Variants in CNTN5 observed in about 807,000 individuals in gnomAD.
CNTN5 encodes the protein contactin 5.
A neutral mutation model predicts 129.1 loss-of-function variants in CNTN5; 77 were observed. The ratio of observed to expected loss-of-function variants is 0.60; its 90% confidence interval spans 0.50 to 0.72. The LOEUF (loss-of-function observed/expected upper bound fraction) is 0.72, where lower values mean the gene tolerates loss of function less well. Among genes scored for constraint, CNTN5 ranks in the 30% least tolerant of loss-of-function variants. CNTN5 has a pLI of 0.00. For synonymous variants in CNTN5, 509 were observed against 465.6 expected, an observed-to-expected ratio of 1.09 and a Z score of -1.20; for missense variants, 1,478 against 1,328.8, an observed-to-expected ratio of 1.11 and a Z score of -1.75.
At chr11:99,127,304 A>C (rs1313452197) in intron 1 of CNTN5, among the ~76,000 whole-genome samples, 4 of 152,158 alleles carry the variant, frequency 2.6e-5, no homozygotes, top group African/African-American at 9.7e-5. Context: ...CAATGTCATA[A>C]ATGTTCATCT....
intron 2 of CNTN5, among the ~76,000 whole-genome samples, chr11:99,502,260 G>A (rs973913551): frequency 4.6e-5 from 7 of 152,126 alleles, no homozygotes; most frequent in South Asian, 2.1e-4. Context: ...TATTTAGAAC[G>A]ATGCTTTTTC....
At chr11:99,926,567 A>G (rs1187837357) in intron 7 of CNTN5, among the ~76,000 whole-genome samples, 1 of 152,156 alleles carries the variant, frequency 6.6e-6, no homozygotes, top group East Asian at 1.9e-4. Flanking sequence ...TGTAATTACA[A>G]CAAGTACAAG....
chr11:99,899,068 T>G (rs1439194379), intron 6 of CNTN5, among the ~76,000 whole-genome samples: 1 of 152,048 alleles, frequency 6.6e-6, no homozygotes. Context: ...TTTTGTATGT[T>G]GATTTTTGTA....
At chr11:99,228,669 T>A (rs928454825) in intron 1 of CNTN5, among the ~76,000 whole-genome samples, 16 of 152,060 alleles carry the variant, frequency 1.1e-4, no homozygotes, top group African/African-American at 3.9e-4. Context: ...CTTTACTAAT[T>A]TTAAATATTA....
Position 100,224,698 on chromosome 11 carries a change from T to G in CNTN5, c.1891T>G (p.Ser631Ala), listed in dbSNP as rs201582801. 1.9e-6 allele frequency: 3 copies of G among 1,610,888 alleles called. No homozygotes were observed. Among genetic ancestry groups the G allele is most frequent in the Non-Finnish European group, 2.5e-6 (3 of 1,177,710 alleles). ...GHFESIRAQASSADLMIRNIL... is the reference protein window; with the variant it reads ...GHFESIRAQAASADLMIRNIL... ...CACTTCATCCCTCTTTCAGCAAGCATCCTCTGCAGATTTAATGATCAGGAA... is the reference window on the plus strand; with the variant it reads ...CACTTCATCCCTCTTTCAGCAAGCAGCCTCTGCAGATTTAATGATCAGGAA... The change falls in exon 16 of 25, where the codon TCC becomes GCC. Residue 631 changes from serine to alanine, a missense_variant. Ser to Ala is a moderately conservative substitution (Grantham distance 99). Coordinates refer to ENST00000524871, the MANE Select transcript of CNTN5 (RefSeq NM_014361.4).
At chr11:100,044,457 A>G (rs551366850) in intron 9 of CNTN5, among the ~76,000 whole-genome samples, 2 of 151,630 alleles carry the variant, frequency 1.3e-5, no homozygotes, top group Admixed American at 6.6e-5. Context: ...CCAACTGTGT[A>G]TAAGCATTCC....
intron 1 of CNTN5, among the ~76,000 whole-genome samples, chr11:99,311,012 A>T (rs922085111): frequency 2.6e-5 from 4 of 152,044 alleles, no homozygotes; most frequent in African/African-American, 7.3e-5. Context: ...GCTCACTGCA[A>T]CCTCTGCCTC....
chr11:100,258,429 T>C (rs147848620), intron 17 of CNTN5, among the ~76,000 whole-genome samples: 4 of 152,042 alleles, frequency 2.6e-5, no homozygotes, highest in Non-Finnish European at 4.4e-5. Context: ...ATTCAGGAAA[T>C]AGAGAGAACA....
chr11:100,145,806 A>G (rs1248532190), intron 13 of CNTN5, among the ~76,000 whole-genome samples: 1 of 152,146 alleles, frequency 6.6e-6, no homozygotes, highest in African/African-American at 2.4e-5. Flanking sequence ...CTCAAGAGAC[A>G]GAGAACTAAA....
At chr11:99,264,637 A>AT (rs1024002665) in intron 1 of CNTN5, among the ~76,000 whole-genome samples, 6 of 152,078 alleles carry the variant, frequency 3.9e-5, no homozygotes, top group Non-Finnish European at 7.4e-5. Context: ...TTCCTTTAGA[A>AT]TTTGTTCAAT....
intron 8 of CNTN5, among the ~76,000 whole-genome samples, chr11:99,975,944 C>G (rs1937926305): frequency 6.6e-6 from 1 of 152,138 alleles, no homozygotes; most frequent in Non-Finnish European, 1.5e-5. Context: ...TCATCTGAGA[C>G]AAGGCACGTC....
intron 2 of CNTN5, among the ~76,000 whole-genome samples, chr11:99,420,499 G>A (rs1942841124): frequency 6.6e-6 from 1 of 152,086 alleles, no homozygotes; most frequent in Non-Finnish European, 1.5e-5. Context: ...AAAACCTCTA[G>A]TGTTGTCATA....
chr11:99,582,046 G>A (rs1024357044), intron 3 of CNTN5, among the ~76,000 whole-genome samples: 1 of 151,916 alleles, frequency 6.6e-6, no homozygotes, highest in African/African-American at 2.4e-5. Context: ...CTCAACATTT[G>A]CTTGTCTGTA....
chr11:99,414,117 TC>T (rs1281914546), intron 2 of CNTN5, among the ~76,000 whole-genome samples: 1 of 152,246 alleles, frequency 6.6e-6, no homozygotes, highest in Non-Finnish European at 1.5e-5. Flanking sequence ...TGCCTCTTCC[TC>T]CTAAACCACT....
At chr11:99,436,619 A>G (rs1326342000) in intron 2 of CNTN5, among the ~76,000 whole-genome samples, 2 of 152,124 alleles carry the variant, frequency 1.3e-5, no homozygotes, top group African/African-American at 4.8e-5. Flanking sequence ...TGATAGGTAA[A>G]TCCAAAAAAC....
At chr11:100,331,578 A>T (rs1380574793) in intron 21 of CNTN5, among the ~76,000 whole-genome samples, 1 of 152,118 alleles carries the variant, frequency 6.6e-6, no homozygotes, top group African/African-American at 2.4e-5. Flanking sequence ...AGACTATATG[A>T]TAGGCCACAA....
chr11:99,253,713 T>C (rs2135799900), intron 1 of CNTN5, among the ~76,000 whole-genome samples: 1 of 151,870 alleles, frequency 6.6e-6, no homozygotes, highest in Admixed American at 6.6e-5. Context: ...TGTATAATTT[T>C]TATTATACAT....
At chr11:99,264,312 T>C (rs939780710) in intron 1 of CNTN5, among the ~76,000 whole-genome samples, 2 of 152,074 alleles carry the variant, frequency 1.3e-5, no homozygotes, top group Admixed American at 6.6e-5. Context: ...TGGATATTGT[T>C]ACCCCTTTTT....
At chr11:99,884,594 C>T (rs1309564762) in intron 6 of CNTN5, among the ~76,000 whole-genome samples, 4 of 152,072 alleles carry the variant, frequency 2.6e-5, no homozygotes, top group South Asian at 2.1e-4. Context: ...ATTGTAGGTA[C>T]GTATATACTG....
Sources: gnomAD v4.1 joint callset for allele counts (sites outside exome capture counted in the v4.1 genomes callset) on GRCh38, gnomAD v4.1.1 for gene constraint, MANE v1.5 for transcripts, NCBI Gene and HGNC (gene_info 2026-07-23, HGNC 2026-07-21) for gene names.